PEX1: variants seen among roughly 807,000 people sequenced by gnomAD.
PEX1 encodes the protein peroxisomal biogenesis factor 1.
PEX1 carries 97 observed loss-of-function variants against 152.5 expected under a neutral mutation model. The observed-to-expected ratio is 0.64, with a 90% confidence interval of 0.54 to 0.75. PEX1 has a LOEUF of 0.75. Among genes scored for constraint, PEX1 ranks in the 30% least tolerant of loss-of-function variants. PEX1 has a pLI of 0.00. For missense variants in PEX1, 1,357 were observed against 1,516.3 expected, an observed-to-expected ratio of 0.89 and a Z score of 1.74; for synonymous variants, 485 against 531.6, an observed-to-expected ratio of 0.91 and a Z score of 1.21.
rs1301669013 is a variant in PEX1 at position 92,509,451 on chromosome 7, A to T, written c.1588-40T>A. On this transcript the variant is annotated intron_variant, in intron 8 of 23. Coordinates refer to ENST00000248633, the MANE Select transcript of PEX1 (RefSeq NM_000466.3). ...AAAAATCAGTTTTACATTTCAAAGT[A>T]TGTCTTTTGCATGTTTTTCTCGGGT... 2.1e-6 allele frequency: 3 copies of T among 1,427,624 alleles called. No homozygotes were observed. In the South Asian group the frequency reaches 3.4e-5, roughly 16 times the overall value. The allele number at this position is 1,427,624 out of a possible 1,614,324, so 88.4% of individuals were successfully genotyped here. A position where few individuals can be genotyped will look rare whatever the true frequency, so the allele number is the denominator to read the frequency against.
At chr7:92,517,134 A>G in intron 5 of PEX1, 142 bp downstream of exon 5, 1 of 703,238 alleles carries the variant, frequency 1.4e-6, no homozygotes, top group Non-Finnish European at 2.5e-6. Flanking sequence ...TGCAAAGCGT[A>G]AATGTGTCCC....
In PEX1 at chr7:92,501,673, T is replaced by A; in HGVS notation, c.2417A>T (p.Lys806Ile). The A allele has an allele frequency of 6.2e-7, 1 of 1,612,164 alleles. No individual in the cohort carries two copies. Among genetic ancestry groups the A allele is most frequent in the Non-Finnish European group, 8.5e-7 (1 of 1,178,276 alleles). ...GAAGTCCAATGTTGTTAAAACTAAT[T>A]CTGTTTAAAAATAAACAAAACTTCT... is the stretch of plus-strand genomic sequence containing the variant. ...LSRQSISTREKLVLTTLDFQK... is the reference protein window; with the variant it reads ...LSRQSISTREILVLTTLDFQK... The change falls in exon 15 of 24, where the codon AAA becomes ATA. Residue 806 changes from lysine (K) to isoleucine (I), a missense_variant and splice_region_variant. Physicochemically the swap from Lys to Ile is moderately radical, Grantham distance 102. Transcript: ENST00000248633.
chr7:92,503,021 C>T lies in PEX1; in HGVS notation c.2226+20G>A. On this transcript the variant is annotated intron_variant, in intron 13 of 23. Coordinates refer to ENST00000248633, the MANE Select transcript of PEX1 (RefSeq NM_000466.3). ...TATAAAAGGGACATAATTCAATAAT[C>T]CTTACAAGTAGTGTATTACCTGATT... 6.3e-7 allele frequency: 1 copy of T among 1,599,670 alleles called. No individual in the cohort carries two copies. The highest frequency in any genetic ancestry group is 1.1e-5 in the South Asian group (1 of 90,722).
At chr7:92,498,181 A>C (rs1791753306) in intron 16 of PEX1, among the ~76,000 whole-genome samples, 1 of 152,092 alleles carries the variant, frequency 6.6e-6, no homozygotes, top group Non-Finnish European at 1.5e-5. Flanking sequence ...CAAAAGAGTA[A>C]TTTACAACTG....
rs778851093 is a variant in PEX1 at position 92,502,032 on chromosome 7, G to A, written c.2274C>T (p.Asp758=). ...ILCNVIKNKL[D]CDINKFTDLD... Reference sequence around the variant, plus strand: ...GATCGGTGAACTTGTTTATATCACAGTCCAATTTATTTTTTATTACATTAC... The same window carrying A: ...GATCGGTGAACTTGTTTATATCACAATCCAATTTATTTTTTATTACATTAC... Residue 758 remains aspartate (D), a synonymous_variant, in exon 14 of 24, where the codon GAC becomes GAT. Transcript: ENST00000248633. The A allele has an allele frequency of 6.2e-7, 1 of 1,612,530 alleles. No individual in the cohort carries two copies. The highest frequency in any genetic ancestry group is 1.1e-5 in the South Asian group (1 of 90,994).
intron 21 of PEX1, among the ~76,000 whole-genome samples, chr7:92,491,058 G>C (rs759167178): frequency 6.6e-6 from 1 of 152,136 alleles, no homozygotes; most frequent in African/African-American, 2.4e-5. Flanking sequence ...ACAACCACGC[G>C]CTACTTTGGT....
intron 9 of PEX1, 195 bp from the exon 10 acceptor site, chr7:92,507,321 C>G (rs985011636): frequency 9.9e-6 from 5 of 505,566 alleles, no homozygotes; most frequent in African/African-American, 9.7e-5. Flanking sequence ...TCCCTGCAGC[C>G]TCAAACGCCC....
At chr7:92,515,069 A>ATCTATC (rs1454634179) in intron 5 of PEX1, among the ~76,000 whole-genome samples, 10 of 332 alleles carry the variant, frequency 0.03, no homozygotes, top group South Asian at 0.05. Context: ...AAAATTATCT[A>ATCTATC]TATATATATA....
At chr7:92,516,082 AAAGAAAAGAAAAG>A (rs1268236641) in intron 5 of PEX1, among the ~76,000 whole-genome samples, 2 of 151,334 alleles carry the variant, frequency 1.3e-5, no homozygotes, top group African/African-American at 4.9e-5. Context: ...AAAGAAAAGA[AAAGAAAAGAAAAG>A]AAAAGAAAAG....
In PEX1 at chr7:92,494,568, G is replaced by T. The variant is rs866184460; in HGVS notation, c.2845C>A (p.Arg949=). The T allele has an allele frequency of 6.2e-7, 1 of 1,613,792 alleles. No individual in the cohort carries two copies. Among genetic ancestry groups the T allele is most frequent in the South Asian group, 1.1e-5 (1 of 91,076 alleles). The change falls in exon 18 of 24, where the codon CGG becomes AGG. Residue 949 remains arginine (R), a synonymous_variant. Coordinates refer to ENST00000248633, the MANE Select transcript of PEX1 (RefSeq NM_000466.3). ...FDEFESIAPR[R]GHDNTGVTDR... ...GTAACTCCTGTATTATCATGACCCCGCCGAGGAGCAATGGATTCAAATTCA... is the reference window on the plus strand; with the variant it reads ...GTAACTCCTGTATTATCATGACCCCTCCGAGGAGCAATGGATTCAAATTCA...
chr7:92,487,362 TAAG>T lies in PEX1; in HGVS notation c.*92_*94del, dbSNP rs1263443622. 8 of 696,104 alleles carry T rather than the reference TAAG, an allele frequency of 1.1e-5. No individual in the cohort carries two copies. Among genetic ancestry groups the T allele is most frequent in the African/African-American group, 3.6e-5 (2 of 55,878 alleles). 43.1% of individuals were successfully genotyped at this position (696,104 alleles called of 1,614,324 possible). ...TATAAATTAACCAAATTTGTTAAAT[TAAG>T]AAGAAATTCATAGACACCATTTTTT... On this transcript the variant is annotated 3_prime_UTR_variant, in exon 24 of 24. Coordinates refer to ENST00000248633, the MANE Select transcript of PEX1 (RefSeq NM_000466.3).
chr7:92,520,895 T>G (rs892690083), intron 2 of PEX1, among the ~76,000 whole-genome samples: 2 of 152,264 alleles, frequency 1.3e-5, no homozygotes, highest in African/African-American at 2.4e-5. Flanking sequence ...ATCCCCATTC[T>G]GAGGATGGGA....
Position 92,506,817 on chromosome 7 carries a change from C to T in PEX1, c.1803+177G>A, listed in dbSNP as rs1792212830. On this transcript the variant is annotated intron_variant, in intron 10 of 23. Coordinates refer to ENST00000248633, the MANE Select transcript of PEX1 (RefSeq NM_000466.3). The stretch of plus-strand genomic sequence containing the variant: ...TTATTCGTCATCACTCCCCCAACAC[C>T]TAAAAGCAGACACACAGAAATATTA... 6.1e-6 allele frequency: 4 copies of T among 653,316 alleles called. No individual in the cohort carries two copies. In the East Asian group the frequency reaches 1.1e-4, roughly 18 times the overall value. 40.5% of individuals were successfully genotyped at this position (653,316 alleles called of 1,614,324 possible).
Position 92,501,949 on chromosome 7 carries a change from A to G in PEX1, c.2357T>C (p.Val786Ala). 1 of 1,614,052 alleles carries G rather than the reference A, an allele frequency of 6.2e-7. No homozygotes were observed. Among genetic ancestry groups the G allele is most frequent in the Non-Finnish European group, 8.5e-7 (1 of 1,179,912 alleles). ...TGGFVARDFT[V>A]LVDRAIHSRL... ...AGAATGTATGGCTCGATCCACAAGT[A>G]CTGTAAAATCTCTAGCCACAAACCC... is the stretch of plus-strand genomic sequence containing the variant. The change falls in exon 14 of 24, where the codon GTA becomes GCA. Residue 786 changes from valine to alanine, a missense_variant. Val to Ala is a moderately conservative substitution (Grantham distance 64). Transcript: ENST00000248633.
At position 92,528,450 on chromosome 7, in the gene PEX1, G is replaced by T; in HGVS notation, c.-15C>A. The T allele has an allele frequency of 6.4e-7, 1 of 1,573,422 alleles. No homozygotes were observed. The highest frequency in any genetic ancestry group is 8.6e-7 in the Non-Finnish European group (1 of 1,161,818). ...CTGCCCCACATCGTCCCGGAGCGTC[G>T]CTCTGGGTTCGCCCACCCTAGCGCC... On this transcript the variant is annotated 5_prime_UTR_variant, in exon 1 of 24. Transcript: ENST00000248633.
At position 92,501,937 on chromosome 7, in the gene PEX1, C is replaced by G. The variant is rs777466377; in HGVS notation, c.2369G>C (p.Arg790Pro). 6.2e-7 allele frequency: 1 copy of G among 1,613,942 alleles called. No homozygotes were observed. The highest frequency in any genetic ancestry group is 2.2e-5 in the East Asian group (1 of 44,856). Reference sequence around the variant, plus strand: ...ACGAGAGAGTCGAGAATGTATGGCTCGATCCACAAGTACTGTAAAATCTCT... The same window carrying G: ...ACGAGAGAGTCGAGAATGTATGGCTGGATCCACAAGTACTGTAAAATCTCT... Reference protein sequence around the residue: ...VARDFTVLVDRAIHSRLSRQS... With the variant: ...VARDFTVLVDPAIHSRLSRQS... Residue 790 changes from arginine to proline, a missense_variant, in exon 14 of 24, where the codon CGA becomes CCA. Coordinates refer to ENST00000248633, the MANE Select transcript of PEX1 (RefSeq NM_000466.3).
At chr7:92,504,629 A>G in intron 12 of PEX1, 103 bp downstream of exon 12, 3 of 1,189,874 alleles carry the variant, frequency 2.5e-6, no homozygotes, top group Non-Finnish European at 3.6e-6. Context: ...AACACTTAAC[A>G]TAACACATAT....
chr7:92,511,697 C>A lies in PEX1; in HGVS notation c.1366G>T (p.Asp456Tyr), dbSNP rs1792475172. The A allele has an allele frequency of 1.2e-6, 2 of 1,611,598 alleles. No homozygotes were observed. Among genetic ancestry groups the A allele is most frequent in the South Asian group, 2.2e-5 (2 of 91,030 alleles). Reference protein sequence around the residue: ...KLQPRENLPKDISEEDIKTVF... With the variant: ...KLQPRENLPKYISEEDIKTVF... Reference sequence around the variant, plus strand: ...GTTTTTATGTCTTCTTCACTTATGTCTTTAGGCTGCCAGAAAAAGGAATAG... The same window carrying A: ...GTTTTTATGTCTTCTTCACTTATGTATTTAGGCTGCCAGAAAAAGGAATAG... Residue 456 changes from aspartate to tyrosine, a missense_variant, in exon 7 of 24, where the codon GAC (aspartate) becomes TAC (tyrosine). Physicochemically the swap from Asp to Tyr is radical, Grantham distance 160. Coordinates refer to ENST00000248633, the MANE Select transcript of PEX1 (RefSeq NM_000466.3).
intron 5 of PEX1, among the ~76,000 whole-genome samples, chr7:92,516,976 G>A (rs190174798): frequency 6.6e-6 from 1 of 152,190 alleles, no homozygotes; most frequent in African/African-American, 2.4e-5. Context: ...AAGTCAATCT[G>A]CCTGGGTTTG....
Sources: gnomAD v4.1 joint callset for allele counts (sites outside exome capture counted in the v4.1 genomes callset) on GRCh38, gnomAD v4.1.1 for gene constraint, MANE v1.5 for transcripts, NCBI Gene and HGNC (gene_info 2026-07-23, HGNC 2026-07-21) for gene names.